CDH18: variants seen among roughly 807,000 people sequenced by gnomAD.
The protein encoded by CDH18 is cadherin 18.
A neutral mutation model predicts 67.9 loss-of-function variants in CDH18; 31 were observed. That is an observed-to-expected ratio of 0.46 (90% CI 0.34 to 0.62). CDH18 has a LOEUF of 0.62. CDH18 is among the 20% of genes least tolerant of loss of function. The pLI is 0.01. For missense variants in CDH18, 890 were observed against 975.5 expected (o/e 0.91, Z 1.17); for synonymous variants, 362 against 347.2 (o/e 1.04, Z -0.48).
chr5:19,614,486 G>A (rs571358236), intron 5 of CDH18, among the ~76,000 whole-genome samples: 1 of 151,826 alleles, frequency 6.6e-6, no homozygotes, highest in South Asian at 2.1e-4. Flanking sequence ...TACATTAGTA[G>A]GAATTGAATT....
intron 1 of CDH18, among the ~76,000 whole-genome samples, chr5:20,345,192 G>T (rs1740601974): frequency 6.6e-6 from 1 of 152,078 alleles, no homozygotes; most frequent in South Asian, 2.1e-4. Context: ...TTTGGGAGAG[G>T]TCAAATATTA....
intron 3 of CDH18, among the ~76,000 whole-genome samples, chr5:19,771,841 G>A (rs1668011001): frequency 6.6e-6 from 1 of 152,136 alleles, no homozygotes; most frequent in South Asian, 2.1e-4. Flanking sequence ...TCAGGGGCAG[G>A]AGTGTACCAA....
At chr5:19,801,179 G>GA (rs1286947802) in intron 3 of CDH18, among the ~76,000 whole-genome samples, 3 of 152,068 alleles carry the variant, frequency 2.0e-5, no homozygotes, top group South Asian at 4.2e-4. Flanking sequence ...GACGTGTAGA[G>GA]AAAAAAATCC....
At chr5:20,018,858 G>C (rs1031850393) in intron 2 of CDH18, among the ~76,000 whole-genome samples, 2 of 141,678 alleles carry the variant, frequency 1.4e-5, no homozygotes, top group African/African-American at 2.8e-5. Context: ...GCAGTGGCGC[G>C]ATCTCGACTC....
chr5:19,485,560 T>A (rs1205503826), intron 11 of CDH18, among the ~76,000 whole-genome samples: 1 of 152,168 alleles, frequency 6.6e-6, no homozygotes, highest in Admixed American at 6.5e-5. Flanking sequence ...TGGCCAGCTG[T>A]CTATTTTTAA....
chr5:20,140,826 C>T (rs555898827), intron 2 of CDH18, among the ~76,000 whole-genome samples: 39 of 152,214 alleles, frequency 2.6e-4, no homozygotes, highest in African/African-American at 7.5e-4. Flanking sequence ...AATTTTGGTA[C>T]CTTTAACCCT....
chr5:20,449,638 G>A (rs923684579), intron 1 of CDH18, among the ~76,000 whole-genome samples: 4 of 151,792 alleles, frequency 2.6e-5, no homozygotes, highest in African/African-American at 9.7e-5. Context: ...GTCTACATAT[G>A]TACATGTATG....
chr5:20,177,111 T>C (rs979902431), intron 2 of CDH18, among the ~76,000 whole-genome samples: 1 of 152,170 alleles, frequency 6.6e-6, no homozygotes, highest in African/African-American at 2.4e-5. Flanking sequence ...ATGCAGATGA[T>C]GAATAATATT....
intron 1 of CDH18, among the ~76,000 whole-genome samples, chr5:20,555,543 C>T (rs1757861400): frequency 6.7e-6 from 1 of 150,018 alleles, no homozygotes; most frequent in African/African-American, 2.5e-5. Flanking sequence ...CTCCCTGGTT[C>T]AAGTGATTCT....
intron 1 of CDH18, among the ~76,000 whole-genome samples, chr5:20,573,359 T>A (rs956791482): frequency 7.2e-5 from 11 of 151,956 alleles, no homozygotes; most frequent in East Asian, 3.9e-4. Context: ...CGTTTTTTTT[T>A]AATTGCATAT....
chr5:20,025,053 C>A (rs536188501), intron 2 of CDH18, among the ~76,000 whole-genome samples: 23 of 152,292 alleles, frequency 1.5e-4, no homozygotes, highest in African/African-American at 4.3e-4. Flanking sequence ...GTAACATATC[C>A]TTGAACGTTC....
intron 4 of CDH18, among the ~76,000 whole-genome samples, chr5:19,734,107 A>G (rs1013249957): frequency 6.6e-5 from 10 of 152,194 alleles, no homozygotes; most frequent in African/African-American, 4.8e-5. Context: ...TCTGCAGTTA[A>G]TCATTATTCT....
At chr5:20,291,778 A>C (rs905775833) in intron 1 of CDH18, among the ~76,000 whole-genome samples, 2 of 152,196 alleles carry the variant, frequency 1.3e-5, no homozygotes, top group Non-Finnish European at 2.9e-5. Context: ...TTTAAATATC[A>C]ATGTTACAAG....
chr5:19,798,392 C>A (rs1466694104), intron 3 of CDH18, among the ~76,000 whole-genome samples: 3 of 151,784 alleles, frequency 2.0e-5, no homozygotes, highest in African/African-American at 7.3e-5. Flanking sequence ...CAATAAAAAT[C>A]TTCATTAAAA....
At chr5:20,557,186 C>A (rs1194101073) in intron 1 of CDH18, among the ~76,000 whole-genome samples, 1 of 151,898 alleles carries the variant, frequency 6.6e-6, no homozygotes, top group Admixed American at 6.6e-5. Flanking sequence ...TTCTTTTTCA[C>A]ATATATAATA....
chr5:20,122,652 T>G (rs1748455594), intron 2 of CDH18, among the ~76,000 whole-genome samples: 1 of 151,768 alleles, frequency 6.6e-6, no homozygotes, highest in Non-Finnish European at 1.5e-5. Flanking sequence ...TAAAGATTTG[T>G]CTTTACTATA....
At chr5:20,182,221 T>A (rs1737739790) in intron 2 of CDH18, among the ~76,000 whole-genome samples, 1 of 152,022 alleles carries the variant, frequency 6.6e-6, no homozygotes, top group African/African-American at 2.4e-5. Flanking sequence ...TGCTTTCATA[T>A]CACTTCAACT....
At chr5:19,850,849 T>A (rs1783597626) in intron 2 of CDH18, among the ~76,000 whole-genome samples, 1 of 151,906 alleles carries the variant, frequency 6.6e-6, no homozygotes, top group South Asian at 2.1e-4. Context: ...CTCATTGAGA[T>A]TTTATTTGCA....
intron 2 of CDH18, among the ~76,000 whole-genome samples, chr5:20,172,389 C>T (rs1261940615): frequency 2.0e-5 from 3 of 150,662 alleles, no homozygotes; most frequent in Non-Finnish European, 4.4e-5. Flanking sequence ...CATTTGCTTT[C>T]ACGTGTACTT....
Sources: gnomAD v4.1 joint callset for allele counts (sites outside exome capture counted in the v4.1 genomes callset) on GRCh38, gnomAD v4.1.1 for gene constraint, MANE v1.5 for transcripts, NCBI Gene and HGNC (gene_info 2026-07-23, HGNC 2026-07-21) for gene names.